Variants in PNPLA1 observed in about 807,000 individuals in gnomAD.
The protein encoded by PNPLA1 is omega-hydroxyceramide transacylase.
Under a neutral mutation model 51.7 loss-of-function variants are expected in PNPLA1, and 36 were observed. The observed-to-expected ratio is 0.70, with a 90% CI of 0.53 to 0.92. The LOEUF (loss-of-function observed/expected upper bound fraction) is 0.92. PNPLA1 is among the 40% of genes least tolerant of loss of function. PNPLA1 has a pLI of 0.00. For synonymous variants in PNPLA1, 293 were observed against 280.1 expected (o/e 1.05, Z -0.46); for missense variants, 658 against 682.5 (o/e 0.96, Z 0.40).
intron 7 of PNPLA1, among the ~76,000 whole-genome samples, chr6:36,306,992 T>A (rs1771257195): frequency 6.6e-6 from 1 of 152,180 alleles, no homozygotes; most frequent in Non-Finnish European, 1.5e-5. Flanking sequence ...CAGGCTCCCT[T>A]GCTGGCTGAA....
chr6:36,277,306 G>A (rs1770135254), intron 1 of PNPLA1, among the ~76,000 whole-genome samples: 1 of 152,218 alleles, frequency 6.6e-6, no homozygotes, highest in African/African-American at 2.4e-5. Context: ...AGGACTTGGA[G>A]GTAACACATG....
chr6:36,291,575 G>GGAAA, intron 2 of PNPLA1, 23 bp downstream of exon 2: 2 of 521,314 alleles, frequency 3.8e-6, no homozygotes, highest in Admixed American at 2.6e-5. Flanking sequence ...GGCTGGGAGG[G>GGAAA]AGGGACACGG....
intron 1 of PNPLA1, among the ~76,000 whole-genome samples, chr6:36,271,465 G>A (rs1461914031): frequency 6.6e-6 from 1 of 152,216 alleles, no homozygotes; most frequent in African/African-American, 2.4e-5. Context: ...TTGTGGAGCA[G>A]AAATTCTAGA....
chr6:36,301,853 T>G lies in PNPLA1; in HGVS notation c.776-8T>G. The G allele has an allele frequency of 2.7e-5, 43 of 1,609,690 alleles. No individual in the cohort carries two copies. Among genetic ancestry groups the G allele is most frequent in the Non-Finnish European group, 3.5e-5 (41 of 1,176,918 alleles). ...CTGAGTAACACCCCATGCTATTGTTTATCCTAGATGCTGTTTATCTTAATT... is the reference window on the plus strand; with the variant it reads ...CTGAGTAACACCCCATGCTATTGTTGATCCTAGATGCTGTTTATCTTAATT... On this transcript the variant is annotated splice_region_variant and splice_polypyrimidine_tract_variant and intron_variant, in intron 5 of 8. Transcript: ENST00000636260.
intron 1 of PNPLA1, among the ~76,000 whole-genome samples, chr6:36,245,191 G>GAAGA (rs943816853): frequency 6.6e-6 from 1 of 152,204 alleles, no homozygotes; most frequent in Non-Finnish European, 1.5e-5. Context: ...GGCCCCTCAG[G>GAAGA]AAGAAATGTT....
rs1771063144 is a variant in PNPLA1, at chr6:36,301,932, C to T, written c.847C>T (p.Leu283Phe). Residue 283 changes from leucine (L) to phenylalanine (F), a missense_variant, in exon 6 of 9, where the codon CTC becomes TTC. By Grantham distance (22) the Leu-to-Phe change is conservative. Coordinates refer to ENST00000636260, the MANE Select transcript of PNPLA1 (RefSeq NM_001374623.1). The part of the protein sequence containing the change: ...PRVEVYCQIE[L>F]ALGNECPERS... The stretch of plus-strand genomic sequence containing the variant: ...GGTGGAAGTGTACTGCCAGATAGAA[C>T]TCGCCCTTGGCAATGAGTGCCCTGA... The T allele has an allele frequency of 6.2e-7, 1 of 1,614,078 alleles. No individual in the cohort carries two copies. Among genetic ancestry groups the T allele is most frequent in the Admixed American group, 1.7e-5 (1 of 60,000 alleles).
intron 1 of PNPLA1, among the ~76,000 whole-genome samples, chr6:36,277,553 C>A (rs924757800): frequency 2.6e-5 from 4 of 152,168 alleles, no homozygotes; most frequent in Non-Finnish European, 5.9e-5. Flanking sequence ...TGCCTGAGAC[C>A]AAAACCATGA....
intron 1 of PNPLA1, among the ~76,000 whole-genome samples, chr6:36,279,552 C>T (rs1034952776): frequency 6.6e-6 from 1 of 152,258 alleles, no homozygotes; most frequent in South Asian, 2.1e-4. Flanking sequence ...TGAGACATAG[C>T]CAGGATTAGT....
At chr6:36,288,936 A>G (rs1019877853) in intron 1 of PNPLA1, among the ~76,000 whole-genome samples, 4 of 152,128 alleles carry the variant, frequency 2.6e-5, no homozygotes, top group Admixed American at 1.3e-4. Context: ...GAAAAAACAA[A>G]TTAGGTTATA....
At chr6:36,306,099 C>T (rs1231825152) in intron 6 of PNPLA1, among the ~76,000 whole-genome samples, 193 bp from the exon 7 acceptor site, 2 of 152,200 alleles carry the variant, frequency 1.3e-5, no homozygotes, top group Non-Finnish European at 2.9e-5. Context: ...GAGTCAGCCG[C>T]TCCACAGATG....
chr6:36,265,687 A>G (rs743851), upstream of PNPLA1, among the ~76,000 whole-genome samples: 50,759 of 152,056 alleles, frequency 0.33, 8,622 homozygotes, highest in South Asian at 0.49. Context: ...GTGACTAAAA[A>G]CAAAGACATT....
chr6:36,272,094 ATTT>A (rs879929135), intron 1 of PNPLA1, among the ~76,000 whole-genome samples: 12 of 152,172 alleles, frequency 7.9e-5, no homozygotes, highest in Admixed American at 7.9e-4. Flanking sequence ...AGCGCATTAC[ATTT>A]GTTGTGCACT....
intron 1 of PNPLA1, among the ~76,000 whole-genome samples, chr6:36,245,364 G>A (rs1769246626): frequency 6.6e-6 from 1 of 152,206 alleles, no homozygotes; most frequent in Non-Finnish European, 1.5e-5. Flanking sequence ...CAAGTATTTT[G>A]TGACTCTAAC....
At chr6:36,300,186 A>T (rs1026462740) in intron 5 of PNPLA1, among the ~76,000 whole-genome samples, 2,718 of 107,692 alleles carry the variant, frequency 0.025, 82 homozygotes, top group East Asian at 0.1. Context: ...TGTGAGAGAG[A>T]GAGAGAGAGA....
At chr6:36,289,524 C>A (rs1423896972) in intron 1 of PNPLA1, among the ~76,000 whole-genome samples, 2 of 152,090 alleles carry the variant, frequency 1.3e-5, no homozygotes, top group Non-Finnish European at 2.9e-5. Context: ...CCCAGGAGCA[C>A]CCTCCCCTGT....
chr6:36,305,819 T>C (rs1398248543), intron 6 of PNPLA1, among the ~76,000 whole-genome samples: 3 of 134,666 alleles, frequency 2.2e-5, no homozygotes, highest in Non-Finnish European at 3.1e-5. Flanking sequence ...AGTATCTCAC[T>C]CCCGGCTCAC....
At chr6:36,275,129 A>G (rs1770050115) in intron 1 of PNPLA1, among the ~76,000 whole-genome samples, 1 of 152,166 alleles carries the variant, frequency 6.6e-6, no homozygotes, top group Non-Finnish European at 1.5e-5. Flanking sequence ...CCCACATCGG[A>G]GTGCAGTGGC....
intron 5 of PNPLA1, 112 bp downstream of exon 5, chr6:36,295,536 C>A: frequency 8.5e-7 from 1 of 1,180,454 alleles, no homozygotes; most frequent in Non-Finnish European, 1.2e-6. Flanking sequence ...CCCGGAGACG[C>A]CCTTCACCTG....
chr6:36,312,660 T>C lies in PNPLA1; in HGVS notation c.*774T>C, dbSNP rs1253189352. On this transcript the variant is annotated 3_prime_UTR_variant, in exon 9 of 9. Coordinates refer to ENST00000636260, the MANE Select transcript of PNPLA1 (RefSeq NM_001374623.1). ...CTGCTGTCCGGCACACTCCCCTGAC[T>C]CTGGGCCCTTTTGAGGACCAGGGGC... 1.3e-5 allele frequency among the ~76,000 whole-genome samples: 2 copies of C among 152,034 alleles called. No individual in the cohort carries two copies. The highest frequency in any genetic ancestry group is 4.8e-5 in the African/African-American group (2 of 41,280).
Sources: allele counts gnomAD v4.1 joint callset (sites outside exome capture counted in the v4.1 genomes callset), GRCh38; gene constraint gnomAD v4.1.1; transcripts MANE v1.5; gene names NCBI Gene and HGNC (gene_info 2026-07-23, HGNC 2026-07-21).